MYO9B: variants seen among roughly 807,000 people sequenced by gnomAD.
MYO9B encodes the protein unconventional myosin-IXb.
In MYO9B, 71 loss-of-function variants were observed where a neutral mutation model predicts 229.5. The ratio of observed to expected loss-of-function variants is 0.31; its 90% CI spans 0.26 to 0.38. The LOEUF (loss-of-function observed/expected upper bound fraction) is 0.38. Among genes scored for constraint, MYO9B ranks in the 10% least tolerant of loss-of-function variants. The pLI, the probability that MYO9B is intolerant of heterozygous loss-of-function variation, is 1.00. For missense variants in MYO9B, 2,255 were observed against 2,920.5 expected (o/e 0.77, Z 5.25); for synonymous variants, 1,185 against 1,235.8 (o/e 0.96, Z 0.86).
intron 1 of MYO9B, among the ~76,000 whole-genome samples, chr19:17,098,662 C>G (rs1345613948): frequency 1.3e-5 from 2 of 152,174 alleles, no homozygotes; most frequent in Non-Finnish European, 2.9e-5. Context: ...GGCACAGTCA[C>G]TCATCCCTAT....
chr19:17,174,835 G>A (rs138889730), intron 13 of MYO9B, among the ~76,000 whole-genome samples: 9,506 of 151,558 alleles, frequency 0.063, 379 homozygotes, highest in Non-Finnish European at 0.094. Context: ...TCAGGAGGCC[G>A]AGGCAGGAGA....
chr19:17,121,368 A>C (rs1002352716), intron 2 of MYO9B, among the ~76,000 whole-genome samples: 21 of 151,888 alleles, frequency 1.4e-4, no homozygotes, highest in African/African-American at 4.8e-4. Context: ...GGCAAACTGA[A>C]ATCTTGGTGA....
chr19:17,163,903 C>T (rs1366451897), intron 10 of MYO9B, among the ~76,000 whole-genome samples: 4 of 152,176 alleles, frequency 2.6e-5, no homozygotes, highest in African/African-American at 9.7e-5. Context: ...GGGTTGCTTC[C>T]AGCTTTTGGC....
chr19:17,141,281 C>A (rs2072335956), intron 2 of MYO9B, among the ~76,000 whole-genome samples: 1 of 152,116 alleles, frequency 6.6e-6, no homozygotes, highest in Non-Finnish European at 1.5e-5. Flanking sequence ...ACAATGGGAC[C>A]TTGGCAATGG....
chr19:17,199,126 C>T (rs1184389603), intron 24 of MYO9B, among the ~76,000 whole-genome samples: 2 of 151,726 alleles, frequency 1.3e-5, no homozygotes, highest in South Asian at 2.1e-4. Flanking sequence ...TCCCTTGAGG[C>T]CAAGAGATCA....
In MYO9B at chr19:17,194,805, T is replaced by G. The variant is rs1184353270; in HGVS notation, c.3378T>G (p.Thr1126=). 1 of 1,612,794 alleles carries G rather than the reference T, an allele frequency of 6.2e-7. No individual in the cohort carries two copies. The highest frequency in any genetic ancestry group is 1.7e-5 in the Admixed American group (1 of 59,946). Residue 1126 remains threonine, a synonymous_variant, in exon 22 of 40, where the codon ACT becomes ACG. Transcript: ENST00000682292. ...AGGAGGCCCCAAGCCCAGAGAAGAC[T>G]CTCCCACCCCAGAAAACCGTGGCGG... ...PEKEAPSPEK[T]LPPQKTVAAE...
chr19:17,157,910 A>T (rs2072554926), intron 7 of MYO9B, among the ~76,000 whole-genome samples: 1 of 152,090 alleles, frequency 6.6e-6, no homozygotes, highest in South Asian at 2.1e-4. Flanking sequence ...TTCTAGTTTG[A>T]TCAAGTCATT....
chr19:17,162,512 C>A, intron 9 of MYO9B, 46 bp downstream of exon 9: 1 of 1,469,598 alleles, frequency 6.8e-7, no homozygotes. Flanking sequence ...GGGGAGGCCA[C>A]ATCCTCACTA....
At position 17,212,055 on chromosome 19, in the gene MYO9B, A is replaced by G; in HGVS notation, c.6219A>G (p.Pro2073=). 3 of 1,601,144 alleles carry G rather than the reference A, an allele frequency of 1.9e-6. No homozygotes were observed. Among genetic ancestry groups the G allele is most frequent in the Non-Finnish European group, 2.6e-6 (3 of 1,175,914 alleles). The part of the protein sequence containing the change: ...PIMPTANIKL[P]PGLPSHLPRW... Reference sequence around the variant, plus strand: ...TGCCCACGGCCAACATCAAGCTCCCACCAGGCCTGCCCTCCCACCTGCCTC... The same window carrying G: ...TGCCCACGGCCAACATCAAGCTCCCGCCAGGCCTGCCCTCCCACCTGCCTC... The change falls in exon 40 of 40, where the codon CCA becomes CCG. Residue 2073 remains proline, a synonymous_variant. Coordinates refer to ENST00000682292, the MANE Select transcript of MYO9B (RefSeq NM_004145.4). The surrounding 1 kb of genome is among the most constrained non-coding windows in gnomAD (Gnocchi z 5.4).
intron 24 of MYO9B, among the ~76,000 whole-genome samples, chr19:17,199,202 C>CA (rs1007870661): frequency 3.2e-4 from 39 of 123,150 alleles, no homozygotes; most frequent in African/African-American, 1.1e-3. Context: ...CACTCTGTCT[C>CA]AAAAAAACTT....
rs549956844 is a variant in MYO9B, at chr19:17,150,707, C to T, written c.936-1937C>T. Among the ~76,000 whole-genome samples, 5 of 141,720 alleles carry T rather than the reference C, an allele frequency of 3.5e-5. 1 individual carries two copies. Among genetic ancestry groups the T allele is most frequent in the Non-Finnish European group, 8.1e-5 (5 of 61,944 alleles). 93.0% of individuals were successfully genotyped at this position (141,720 alleles called of 152,430 possible). A position where few individuals can be genotyped will look rare whatever the true frequency, so the allele number is the denominator to read the frequency against. On this transcript the variant is annotated intron_variant, in intron 3 of 39. Coordinates refer to ENST00000682292, the MANE Select transcript of MYO9B (RefSeq NM_004145.4). ...TGGGCAGCACATAGTCTCACCAAGC[C>T]TTGGCTCCTTGTCCACTCCTCAGGA...
intron 2 of MYO9B, among the ~76,000 whole-genome samples, chr19:17,114,026 T>G (rs1241075758): frequency 6.6e-6 from 1 of 152,088 alleles, no homozygotes; most frequent in Non-Finnish European, 1.5e-5. Context: ...CATGGGGGAC[T>G]GAGCAGCATC....
chr19:17,138,429 C>T (rs535389336), intron 2 of MYO9B, among the ~76,000 whole-genome samples: 26 of 152,116 alleles, frequency 1.7e-4, no homozygotes, highest in Non-Finnish European at 2.6e-4. Flanking sequence ...AAAGGGATTG[C>T]TGCATACCTG....
At chr19:17,132,078 G>A (rs979109244) in intron 2 of MYO9B, among the ~76,000 whole-genome samples, 3 of 151,214 alleles carry the variant, frequency 2.0e-5, no homozygotes, top group Admixed American at 1.3e-4. Context: ...AGGATCTCAC[G>A]GCTGCTCTTG....
Position 17,175,684 on chromosome 19 carries a change from A to G in MYO9B, c.2162A>G (p.Gln721Arg), listed in dbSNP as rs1047419203. The change falls in exon 14 of 40, where the codon CAA (glutamine) becomes CGA (arginine). Residue 721 changes from glutamine to arginine, a missense_variant. This residue lies in a region of MYO9B where 155 missense variants were observed against 159.1 expected (regional missense o/e 0.97). Coordinates refer to ENST00000682292, the MANE Select transcript of MYO9B (RefSeq NM_004145.4). ...KAAGMSSPGA[Q>R]SHPEELPRGA... Reference sequence around the variant, plus strand: ...GCAGGTATGAGCAGCCCTGGTGCCCAAAGTCACCCAGAAGAGCTGCCAAGA... The same window carrying G: ...GCAGGTATGAGCAGCCCTGGTGCCCGAAGTCACCCAGAAGAGCTGCCAAGA... 2.9e-5 allele frequency: 45 copies of G among 1,575,028 alleles called. No homozygotes were observed. The highest frequency in any genetic ancestry group is 3.8e-5 in the Non-Finnish European group (44 of 1,160,850).
intron 35 of MYO9B, 44 bp from the exon 36 acceptor site, chr19:17,209,542 G>C: frequency 6.4e-7 from 1 of 1,551,134 alleles, no homozygotes; most frequent in Non-Finnish European, 8.7e-7. Flanking sequence ...AGACGTCCCC[G>C]GGGCGGTAAC....
chr19:17,098,972 C>T (rs1243342411), intron 1 of MYO9B, among the ~76,000 whole-genome samples: 1 of 75,790 alleles, frequency 1.3e-5, no homozygotes, highest in Non-Finnish European at 2.7e-5. Context: ...GCGACCCTCT[C>T]TCTTAGGAAA....
chr19:17,205,165 AAG>A (rs2073146204), intron 30 of MYO9B, 96 bp from the exon 31 acceptor site: 4 of 749,832 alleles, frequency 5.3e-6, no homozygotes, highest in Non-Finnish European at 7.9e-6. Flanking sequence ...AAAAAAAAAA[AAG>A]AAGGCAATTG....
At chr19:17,129,542 C>T (rs1307135046) in intron 2 of MYO9B, among the ~76,000 whole-genome samples, 1 of 152,230 alleles carries the variant, frequency 6.6e-6, no homozygotes. Context: ...CGTGTCAGGG[C>T]AGGTGGGCAG....
Sources: gnomAD v4.1 joint callset for allele counts (sites outside exome capture counted in the v4.1 genomes callset) on GRCh38, gnomAD v4.1.1 for gene constraint, gnomAD v4.1.1 regional missense constraint, Gnocchi (gnomAD v3.1) non-coding constraint, MANE v1.5 for transcripts, NCBI Gene and HGNC (gene_info 2026-07-23, HGNC 2026-07-21) for gene names.